Variants in PKHD1 observed in about 807,000 individuals in gnomAD.
PKHD1 encodes fibrocystin.
PKHD1 carries 291 observed loss-of-function variants against 412.0 expected under a neutral mutation model. The ratio of observed to expected loss-of-function variants is 0.71; its 90% CI spans 0.64 to 0.78. PKHD1 has a LOEUF of 0.78. PKHD1 is among the 30% of genes least tolerant of loss of function. The probability of loss-of-function intolerance (pLI) is 0.00; values close to 1 mark genes in which losing one functional copy is unlikely to be tolerated. For missense variants in PKHD1, 4,825 were observed against 4,950.7 expected (o/e 0.97, Z 0.76); for synonymous variants, 1,777 against 1,821.5 (o/e 0.98, Z 0.62).
intron 35 of PKHD1, among the ~76,000 whole-genome samples, chr6:51,962,559 T>A (rs568825536): frequency 6.6e-6 from 1 of 152,092 alleles, no homozygotes; most frequent in African/African-American, 2.4e-5. Flanking sequence ...GGTGGAAAGG[T>A]CAAATACTGT....
chr6:51,826,351 T>G (rs1187798659), intron 52 of PKHD1, among the ~76,000 whole-genome samples: 1 of 152,148 alleles, frequency 6.6e-6, no homozygotes, highest in Non-Finnish European at 1.5e-5. Context: ...ATATACAAAA[T>G]GTAACAGTGA....
chr6:51,683,847 T>C (rs572771827), intron 60 of PKHD1, among the ~76,000 whole-genome samples: 1 of 143,800 alleles, frequency 7.0e-6, no homozygotes, highest in African/African-American at 2.8e-5. Context: ...GGTTAAAAAT[T>C]AAACGAGAGA....
At chr6:51,788,210 T>C (rs556262440) in intron 53 of PKHD1, among the ~76,000 whole-genome samples, 4 of 152,140 alleles carry the variant, frequency 2.6e-5, no homozygotes, top group Admixed American at 6.5e-5. Flanking sequence ...GAGCTGACAG[T>C]GTAGTTGGCA....
chr6:51,919,849 C>G (rs1784420169), intron 37 of PKHD1, among the ~76,000 whole-genome samples: 1 of 152,212 alleles, frequency 6.6e-6, no homozygotes, highest in African/African-American at 2.4e-5. Flanking sequence ...TCCTTCACAT[C>G]CCTTGTAAGT....
At position 51,938,743 on chromosome 6, in the gene PKHD1, T is replaced by C. The variant is rs377330320; in HGVS notation, c.5909-4421A>G. Among the ~76,000 whole-genome samples, 32 of 151,720 alleles carry C rather than the reference T, an allele frequency of 2.1e-4. No individual in the cohort carries two copies. In the South Asian group the frequency reaches 6.4e-3, roughly 31 times the overall value. On this transcript the variant is annotated intron_variant, in intron 36 of 66. Coordinates refer to ENST00000371117, the MANE Select transcript of PKHD1 (RefSeq NM_138694.4). The stretch of plus-strand genomic sequence containing the variant: ...CCTCCCTTGGGAGATCAATCCCCTG[T>C]CCTCCTGCTCTTTGTTCCGTGAGAA...
Position 51,704,398 on chromosome 6 carries a change from C to T in PKHD1, c.10156+39987G>A, listed in dbSNP as rs1034792906. 4.6e-5 allele frequency among the ~76,000 whole-genome samples: 7 copies of T among 152,172 alleles called. No individual in the cohort carries two copies. The South Asian group carries it at 1.5e-3, about 32-fold the overall frequency. ...TCTATAAGATAAAGGGAAGCCAGTA[C>T]AAGTTTTATACAGACACTTACATAA... On this transcript the variant is annotated intron_variant, in intron 60 of 66. Coordinates refer to ENST00000371117, the MANE Select transcript of PKHD1 (RefSeq NM_138694.4).
chr6:52,056,163 G>A (rs1279734430), intron 18 of PKHD1, among the ~76,000 whole-genome samples: 1 of 152,104 alleles, frequency 6.6e-6, no homozygotes, highest in African/African-American at 2.4e-5. Context: ...CTGGAGCCTT[G>A]AAAACCCTTT....
At chr6:51,723,864 GC>G (rs1435961031) in intron 60 of PKHD1, among the ~76,000 whole-genome samples, 5 of 152,112 alleles carry the variant, frequency 3.3e-5, no homozygotes, top group African/African-American at 1.2e-4. Context: ...GGCATACTGA[GC>G]ACTTTTGAAT....
chr6:51,863,863 T>A (rs1166338149), intron 48 of PKHD1, among the ~76,000 whole-genome samples: 3 of 152,242 alleles, frequency 2.0e-5, no homozygotes, highest in African/African-American at 7.2e-5. Flanking sequence ...TTTATTTATA[T>A]TTTTTTACTC....
chr6:52,072,087 T>A, intron 8 of PKHD1, 28 bp downstream of exon 8: 1 of 1,340,902 alleles, frequency 7.5e-7, no homozygotes, highest in South Asian at 1.2e-5. Flanking sequence ...TACAAGCATG[T>A]GCATTGGCAA....
At chr6:51,752,872 A>T (rs899210190) in intron 57 of PKHD1, among the ~76,000 whole-genome samples, 5 of 152,226 alleles carry the variant, frequency 3.3e-5, no homozygotes, top group Non-Finnish European at 5.9e-5. Context: ...CTACTGGGAA[A>T]GAGTAACAGA....
At chr6:51,693,755 A>G (rs1582122557) in intron 60 of PKHD1, among the ~76,000 whole-genome samples, 1 of 152,298 alleles carries the variant, frequency 6.6e-6, no homozygotes, top group East Asian at 1.9e-4. Context: ...ATAATACCAG[A>G]TGACATGTAC....
chr6:51,952,632 G>A (rs1207423303), intron 36 of PKHD1, among the ~76,000 whole-genome samples: 1 of 152,004 alleles, frequency 6.6e-6, no homozygotes, highest in Non-Finnish European at 1.5e-5. Flanking sequence ...AATTCTACCT[G>A]TGATACACTT....
chr6:51,836,284 A>T (rs1169290804), intron 51 of PKHD1, 120 bp downstream of exon 51: 1 of 749,340 alleles, frequency 1.3e-6, no homozygotes, highest in Non-Finnish European at 2.5e-6. Context: ...GTTATCAGAC[A>T]TATAAGCTTT....
At chr6:51,768,297 T>C (rs1789481993) in intron 55 of PKHD1, among the ~76,000 whole-genome samples, 1 of 152,112 alleles carries the variant, frequency 6.6e-6, no homozygotes, top group African/African-American at 2.4e-5. Context: ...TTCTGATGCA[T>C]ACATTAGACC....
intron 60 of PKHD1, among the ~76,000 whole-genome samples, chr6:51,680,160 G>C (rs1313395616): frequency 2.0e-5 from 3 of 151,890 alleles, no homozygotes; most frequent in African/African-American, 7.3e-5. Context: ...GCCAAACAGA[G>C]AGATTTGGAA....
At chr6:51,804,151 C>T (rs927858) in intron 52 of PKHD1, among the ~76,000 whole-genome samples, 91,194 of 150,464 alleles carry the variant, frequency 0.61, 28,593 homozygotes, top group East Asian at 0.83. Flanking sequence ...TTCCTACTTT[C>T]GAGTGCCCAT....
chr6:51,807,424 C>T (rs372836168), intron 52 of PKHD1, among the ~76,000 whole-genome samples: 33 of 117,592 alleles, frequency 2.8e-4, no homozygotes, highest in African/African-American at 9.2e-4. Context: ...GGCAACAGAG[C>T]GAGACTCTGT....
At chr6:51,978,076 A>C (rs1007613068) in intron 35 of PKHD1, among the ~76,000 whole-genome samples, 7 of 152,158 alleles carry the variant, frequency 4.6e-5, no homozygotes, top group African/African-American at 1.7e-4. Context: ...AAATCCCATA[A>C]GAGAGAGCTG....
Sources: allele counts gnomAD v4.1 joint callset (sites outside exome capture counted in the v4.1 genomes callset), GRCh38; gene constraint gnomAD v4.1.1; transcripts MANE v1.5; gene names NCBI Gene and HGNC (gene_info 2026-07-23, HGNC 2026-07-21).